LMNTD1: variants seen among roughly 807,000 people sequenced by gnomAD.
The protein encoded by LMNTD1 is lamin tail domain containing 1.
Under a neutral mutation model 50.9 loss-of-function variants are expected in LMNTD1, and 35 were observed. That is an observed-to-expected ratio of 0.69 (90% CI 0.53 to 0.91). The LOEUF (loss-of-function observed/expected upper bound fraction) is 0.91. Among genes scored for constraint, LMNTD1 ranks in the 40% least tolerant of loss-of-function variants. The probability of loss-of-function intolerance (pLI) is 0.00; values close to 1 mark genes in which losing one functional copy is unlikely to be tolerated. For synonymous variants in LMNTD1, 153 were observed against 161.9 expected, an observed-to-expected ratio of 0.94 and a Z score of 0.42; for missense variants, 470 against 475.5, an observed-to-expected ratio of 0.99 and a Z score of 0.11.
intron 1 of LMNTD1, among the ~76,000 whole-genome samples, chr12:25,590,211 A>G (rs1945654117): frequency 6.6e-6 from 1 of 152,192 alleles, no homozygotes; most frequent in Admixed American, 6.5e-5. Flanking sequence ...TCCTGGCAGC[A>G]GCAGTGTGGT....
intron 8 of LMNTD1, among the ~76,000 whole-genome samples, chr12:25,515,113 C>T (rs1176841016): frequency 1.3e-5 from 2 of 151,934 alleles, no homozygotes; most frequent in Non-Finnish European, 2.9e-5. Flanking sequence ...TGTATGTATG[C>T]ACAAGTAGAC....
chr12:25,506,142 G>C (rs909869233), intron 8 of LMNTD1, among the ~76,000 whole-genome samples: 1 of 152,190 alleles, frequency 6.6e-6, no homozygotes, highest in African/African-American at 2.4e-5. Context: ...AAATTCTATA[G>C]ATATGATCTT....
intron 1 of LMNTD1, among the ~76,000 whole-genome samples, chr12:25,570,307 C>T (rs1944734432): frequency 6.6e-6 from 1 of 152,028 alleles, no homozygotes; most frequent in East Asian, 1.9e-4. Context: ...TTTTCAAAGG[C>T]TCAAATAAGG....
intron 1 of LMNTD1, among the ~76,000 whole-genome samples, chr12:25,630,171 C>T (rs1398702345): frequency 1.3e-5 from 2 of 152,156 alleles, no homozygotes; most frequent in Non-Finnish European, 2.9e-5. Context: ...AAACTTAACC[C>T]AACCAGCTAA....
chr12:25,546,020 C>T (rs969322160), intron 4 of LMNTD1, among the ~76,000 whole-genome samples: 3 of 151,616 alleles, frequency 2.0e-5, no homozygotes, highest in African/African-American at 7.2e-5. Context: ...TTATCTTTCT[C>T]CTTCTGTCTT....
At chr12:25,604,768 T>A (rs1182265230) in intron 1 of LMNTD1, among the ~76,000 whole-genome samples, 1 of 152,228 alleles carries the variant, frequency 6.6e-6, no homozygotes, top group Non-Finnish European at 1.5e-5. Context: ...TTGGGTTGGT[T>A]CCAAGTCTTT....
intron 1 of LMNTD1, among the ~76,000 whole-genome samples, chr12:25,587,387 C>G (rs879528812): frequency 6.6e-6 from 1 of 152,216 alleles, no homozygotes; most frequent in Non-Finnish European, 1.5e-5. Context: ...CCAGGGAGGC[C>G]TCAGGGAGCT....
rs1257109857 is a variant in LMNTD1 at position 25,538,093 on chromosome 12, C to T, written c.491+8281G>A. ...CTATGTGAAAAGACCAAATCTACGT[C>T]TGATTGGTGTACCTGAAAGTGATGG... On this transcript the variant is annotated intron_variant, in intron 4 of 9. Coordinates refer to ENST00000458174, the MANE Select transcript of LMNTD1 (RefSeq NM_001145728.2). Among the ~76,000 whole-genome samples, 9 of 127,492 alleles carry T rather than the reference C, an allele frequency of 7.1e-5. No individual in the cohort carries two copies. The East Asian group carries it at 1.8e-3, about 26-fold the overall frequency. 83.6% of individuals were successfully genotyped at this position (127,492 alleles called of 152,430 possible). A position where few individuals can be genotyped will look rare whatever the true frequency, so the allele number is the denominator to read the frequency against.
At chr12:25,644,596 A>G (rs529759315) in intron 1 of LMNTD1, among the ~76,000 whole-genome samples, 1 of 152,344 alleles carries the variant, frequency 6.6e-6, no homozygotes, top group South Asian at 2.1e-4. Context: ...ACCAAAAAAG[A>G]GAATGATGAA....
At chr12:25,621,565 TTTATA>T (rs1174742608) in intron 1 of LMNTD1, among the ~76,000 whole-genome samples, 2 of 152,202 alleles carry the variant, frequency 1.3e-5, no homozygotes, top group African/African-American at 4.8e-5. Flanking sequence ...CTAAAACATG[TTTATA>T]TTATATCTGA....
At chr12:25,516,616 G>A (rs968840099) in intron 8 of LMNTD1, among the ~76,000 whole-genome samples, 3 of 152,114 alleles carry the variant, frequency 2.0e-5, no homozygotes, top group Admixed American at 6.5e-5. Flanking sequence ...CATGCACAGA[G>A]TTTATTGCTA....
Position 25,574,344 on chromosome 12 carries a change from C to T in LMNTD1, c.59-27790G>A, listed in dbSNP as rs1260339497. Among the ~76,000 whole-genome samples the T allele has an allele frequency of 2.6e-5, 4 of 152,134 alleles. No homozygotes were observed. In the East Asian group the frequency reaches 5.8e-4, roughly 22 times the overall value. Reference sequence around the variant, plus strand: ...ATCTGTGTGGTATCTTTGCCAGTGACCCTTGCCCTCCCCCATCCAGGCCTT... The same window carrying T: ...ATCTGTGTGGTATCTTTGCCAGTGATCCTTGCCCTCCCCCATCCAGGCCTT... On this transcript the variant is annotated intron_variant, in intron 1 of 7. Transcript: ENST00000445693.
At chr12:25,537,764 C>T (rs992868304) in intron 4 of LMNTD1, among the ~76,000 whole-genome samples, 1 of 152,042 alleles carries the variant, frequency 6.6e-6, no homozygotes, top group African/African-American at 2.4e-5. Context: ...TTCAGATGAT[C>T]AAATTACTCT....
At chr12:25,547,202 T>C in intron 3 of LMNTD1, 1 of 964,730 alleles carries the variant, frequency 1.0e-6, no homozygotes, top group African/African-American at 1.8e-5. Context: ...AATCTAATAA[T>C]ATATCCGCAA....
chr12:25,488,390 C>T (rs1938741986), intron 9 of LMNTD1, among the ~76,000 whole-genome samples: 1 of 126,424 alleles, frequency 7.9e-6, no homozygotes, highest in African/African-American at 3.0e-5. Flanking sequence ...ATTTCATCTT[C>T]CATTGCTGAT....
intron 1 of LMNTD1, among the ~76,000 whole-genome samples, chr12:25,582,775 T>C (rs896161453): frequency 3.3e-5 from 5 of 152,364 alleles, no homozygotes; most frequent in African/African-American, 1.2e-4. Flanking sequence ...TAGTTTGCAA[T>C]GCTAACTACG....
intron 1 of LMNTD1, among the ~76,000 whole-genome samples, chr12:25,561,994 T>A (rs1352366195): frequency 6.6e-6 from 1 of 152,210 alleles, no homozygotes; most frequent in Non-Finnish European, 1.5e-5. Context: ...GCTTGGTAGA[T>A]CTTCCTCCAT....
chr12:25,561,894 G>A (rs1448438167), intron 1 of LMNTD1, among the ~76,000 whole-genome samples: 3 of 152,054 alleles, frequency 2.0e-5, no homozygotes, highest in African/African-American at 7.2e-5. Context: ...TTATGTAATG[G>A]CCTTCTTTGT....
At chr12:25,627,774 T>A (rs573624727) in intron 1 of LMNTD1, among the ~76,000 whole-genome samples, 20 of 152,232 alleles carry the variant, frequency 1.3e-4, no homozygotes, top group African/African-American at 4.3e-4. Flanking sequence ...TAAATTAACT[T>A]TGGGGAAAAC....
Sources: allele counts gnomAD v4.1 joint callset (sites outside exome capture counted in the v4.1 genomes callset), GRCh38; gene constraint gnomAD v4.1.1; transcripts MANE v1.5; gene names NCBI Gene and HGNC (gene_info 2026-07-23, HGNC 2026-07-21).